The following SRPX variants were observed in gnomAD, a reference collection of about 807,000 sequenced individuals.
SRPX encodes sushi repeat containing protein X-linked, also known as sushi repeat-containing protein SRPX.
A neutral mutation model predicts 38.1 loss-of-function variants in SRPX; 24 were observed. The observed-to-expected ratio is 0.63, with a 90% CI of 0.46 to 0.89. SRPX has a LOEUF of 0.89. Among genes scored for constraint, SRPX ranks in the 40% least tolerant of loss-of-function variants. The pLI is 0.00. For synonymous variants in SRPX, 184 were observed against 153.8 expected, an observed-to-expected ratio of 1.20 and a Z score of -1.45; for missense variants, 416 against 377.8, an observed-to-expected ratio of 1.10 and a Z score of -0.84.
intron 4 of SRPX, among the ~76,000 whole-genome samples, chrX:38,171,585 C>A (rs1159595818): frequency 9.0e-6 from 1 of 111,690 alleles, no homozygotes; most frequent in African/African-American, 3.3e-5. Context: ...TGCTCAGGCC[C>A]CCGAACTAAA....
At chrX:38,179,617 T>C (rs1216427432) in intron 1 of SRPX, among the ~76,000 whole-genome samples, 4 of 111,895 alleles carry the variant, frequency 3.6e-5, no homozygotes, top group Middle Eastern at 4.6e-3. Flanking sequence ...GTTCCACTTG[T>C]GTTCTGGATG....
At chrX:38,207,024 C>A (rs1287487441) in intron 1 of SRPX, among the ~76,000 whole-genome samples, 3 of 111,385 alleles carry the variant, frequency 2.7e-5, no homozygotes, top group African/African-American at 9.8e-5. Context: ...TATTCAAACT[C>A]TTCTATGCAG....
intron 1 of SRPX, among the ~76,000 whole-genome samples, chrX:38,180,431 C>T (rs1462993756): frequency 1.8e-5 from 2 of 111,678 alleles, no homozygotes; most frequent in Non-Finnish European, 3.8e-5. Flanking sequence ...AGACTATTTT[C>T]CTGGGCCATC....
At chrX:38,210,606 C>T (rs1939302226) in intron 1 of SRPX, among the ~76,000 whole-genome samples, 1 of 112,074 alleles carries the variant, frequency 8.9e-6, no homozygotes, top group East Asian at 2.8e-4. Flanking sequence ...TAGCAAAAGC[C>T]AGTCCACCTC....
In SRPX at chrX:38,157,036, T is replaced by A; in HGVS notation, c.956-7A>T. The stretch of plus-strand genomic sequence containing the variant: ...CCCACATTGACGTTCATGGCTGTAA[T>A]CAGAAATGGCCACATGGGTCAGAAA... On this transcript the variant is annotated splice_polypyrimidine_tract_variant and splice_region_variant and intron_variant, in intron 7 of 9. Coordinates refer to ENST00000378533, the MANE Select transcript of SRPX (RefSeq NM_006307.5). The A allele has an allele frequency of 8.3e-7, 1 of 1,210,013 alleles. No homozygotes were observed. The highest frequency in any genetic ancestry group is 1.8e-5 in the South Asian group (1 of 56,494).
intron 1 of SRPX, among the ~76,000 whole-genome samples, chrX:38,203,869 C>T (rs753246058): frequency 1.2e-4 from 13 of 112,265 alleles, no homozygotes; most frequent in Admixed American, 8.5e-4. Context: ...CTCAAAGAAT[C>T]GACAAAATAA....
At position 38,172,106 on chromosome X, in the gene SRPX, A is replaced by C. The variant is rs1223633396; in HGVS notation, c.350-49T>G. 6.9e-6 allele frequency: 8 copies of C among 1,153,656 alleles called. No homozygotes were observed. The Admixed American group carries it at 9.1e-5, about 13-fold the overall frequency. Reference sequence around the variant, plus strand: ...TCAGCATTTCTTAGTTTTTGTCTATAGAGTTTCATTTCAGAGTCTAGAAAC... The same window carrying C: ...TCAGCATTTCTTAGTTTTTGTCTATCGAGTTTCATTTCAGAGTCTAGAAAC... On this transcript the variant is annotated intron_variant, in intron 3 of 9. Transcript: ENST00000378533.
rs141217343 is a variant in SRPX, at chrX:38,170,362, C to T, written c.526+1519G>A. Among the ~76,000 whole-genome samples, 1,016 of 112,384 alleles carry T rather than the reference C, an allele frequency of 9.0e-3. 18 individuals are homozygous for T. Among genetic ancestry groups the T allele is most frequent in the African/African-American group, 0.031 (972 of 30,943 alleles). ...CCCCCTACCCCTGTCAACACAAAAA[C>T]AAATTTATTAAACTATTTTAATACA... On this transcript the variant is annotated intron_variant, in intron 4 of 9. Transcript: ENST00000378533.
At chrX:38,158,795 A>G (rs772378691) in intron 7 of SRPX, among the ~76,000 whole-genome samples, 3 of 111,233 alleles carry the variant, frequency 2.7e-5, no homozygotes, top group Non-Finnish European at 3.8e-5. Flanking sequence ...CCTGGCTAAC[A>G]TGGTGAAACC....
At chrX:38,165,041 C>T in intron 4 of SRPX, 146 bp from the exon 5 acceptor site, 3 of 494,060 alleles carry the variant, frequency 6.1e-6, no homozygotes, top group Admixed American at 4.1e-5. Context: ...CCCTTTTCTC[C>T]CTTCATAATG....
intron 1 of SRPX, among the ~76,000 whole-genome samples, chrX:38,185,314 T>A (rs1244017296): frequency 8.9e-6 from 1 of 112,067 alleles, no homozygotes; most frequent in East Asian, 2.8e-4. Flanking sequence ...TACTGCAGAT[T>A]TGGATGTTTA....
At chrX:38,156,642 A>G (rs747994664) in intron 8 of SRPX, among the ~76,000 whole-genome samples, 1 of 112,627 alleles carries the variant, frequency 8.9e-6, no homozygotes, top group South Asian at 3.7e-4. Flanking sequence ...CCTGGACAGC[A>G]TGTCAATTAG....
At chrX:38,203,905 A>T (rs1022022427) in intron 1 of SRPX, among the ~76,000 whole-genome samples, 1 of 112,761 alleles carries the variant, frequency 8.9e-6, no homozygotes, top group African/African-American at 3.2e-5. Flanking sequence ...ATATCACAAG[A>T]TACAAAGTCA....
chrX:38,187,530 C>G (rs1383416383), intron 1 of SRPX, among the ~76,000 whole-genome samples: 2 of 112,370 alleles, frequency 1.8e-5, no homozygotes, highest in Middle Eastern at 4.6e-3. Context: ...CAAGACATTA[C>G]CATAGTTTAC....
chrX:38,203,686 G>A (rs1041700602), intron 1 of SRPX, among the ~76,000 whole-genome samples: 7 of 112,202 alleles, frequency 6.2e-5, no homozygotes, highest in African/African-American at 2.3e-4. Flanking sequence ...GGCTGAGGTG[G>A]AAGAATCACT....
At chrX:38,188,054 G>GAATCT (rs1938819951) in intron 1 of SRPX, among the ~76,000 whole-genome samples, 1 of 111,478 alleles carries the variant, frequency 9.0e-6, no homozygotes, top group Non-Finnish European at 1.9e-5. Context: ...CAGAGAACCA[G>GAATCT]GATCTGTAAA....
intron 1 of SRPX, among the ~76,000 whole-genome samples, chrX:38,204,510 C>T (rs192125112): frequency 0.012 from 1,330 of 112,020 alleles, 30 homozygotes; most frequent in African/African-American, 0.041. Flanking sequence ...AGTAAAAAGT[C>T]GTTTTTAAAA....
At position 38,197,150 on chromosome X, in the gene SRPX, A is replaced by T. The variant is rs1383070941; in HGVS notation, c.98-18806T>A. 4.5e-5 allele frequency among the ~76,000 whole-genome samples: 5 copies of T among 112,257 alleles called. No homozygotes were observed. The East Asian group carries it at 1.4e-3, about 31-fold the overall frequency. ...AAACCATAGGCCATAGCTAGTTTGA[A>T]ACCTACAAGGAGAAATTAAATAGAG... On this transcript the variant is annotated intron_variant, in intron 1 of 9. Transcript: ENST00000378533.
intron 7 of SRPX, among the ~76,000 whole-genome samples, chrX:38,159,589 A>T (rs1012115181): frequency 8.9e-6 from 1 of 112,916 alleles, no homozygotes; most frequent in South Asian, 3.6e-4. Flanking sequence ...TCTTCATTTT[A>T]CATAGGAGGA....
Sources: allele counts gnomAD v4.1 joint callset (sites outside exome capture counted in the v4.1 genomes callset), GRCh38; gene constraint gnomAD v4.1.1; transcripts MANE v1.5; gene names NCBI Gene and HGNC (gene_info 2026-07-23, HGNC 2026-07-21).